Variants in CCDC66 observed in about 807,000 individuals in gnomAD.
The protein encoded by CCDC66 is coiled-coil domain-containing protein 66.
Under a neutral mutation model 128.3 loss-of-function variants are expected in CCDC66, and 133 were observed. The observed-to-expected ratio is 1.04, with a 90% CI of 0.90 to 1.20. The LOEUF is 1.20. Among genes scored for constraint, CCDC66 ranks in the 50% most tolerant of loss-of-function variants. The pLI, the probability that CCDC66 is intolerant of heterozygous loss-of-function variation, is 0.00. For synonymous variants in CCDC66, 387 were observed against 357.0 expected (o/e 1.08, Z -0.95); for missense variants, 1,126 against 1,075.5 (o/e 1.05, Z -0.66).
At chr3:56,602,267 T>G (rs774650661) in intron 10 of CCDC66, among the ~76,000 whole-genome samples, 4 of 152,068 alleles carry the variant, frequency 2.6e-5, no homozygotes, top group Non-Finnish European at 5.9e-5. Flanking sequence ...GTGAATAGAT[T>G]ACGTTTACTG....
chr3:56,619,760 CTT>C lies in CCDC66; in HGVS notation c.2636-15_2636-14del. 1 of 1,612,556 alleles carries C rather than the reference CTT, an allele frequency of 6.2e-7. No homozygotes were observed. Among genetic ancestry groups the C allele is most frequent in the Non-Finnish European group, 8.5e-7 (1 of 1,179,292 alleles). ...ACTAATGTAATTGACTGACTTGTTA[CTT>C]TCATCTGGCTTTAGACTGTGGCCAA... On this transcript the variant is annotated splice_polypyrimidine_tract_variant and intron_variant, in intron 16 of 17. Coordinates refer to ENST00000394672, the MANE Select transcript of CCDC66 (RefSeq NM_001141947.3).
intron 10 of CCDC66, among the ~76,000 whole-genome samples, chr3:56,600,436 C>T (rs1370992306): frequency 7.2e-5 from 11 of 151,728 alleles, no homozygotes; most frequent in Middle Eastern, 3.2e-3. Context: ...CATGAGCCAC[C>T]GCGCCCGGCT....
chr3:56,587,496 A>G (rs748912189), intron 7 of CCDC66, among the ~76,000 whole-genome samples: 18 of 152,176 alleles, frequency 1.2e-4, no homozygotes, highest in Non-Finnish European at 1.5e-4. Flanking sequence ...AAACAGGACC[A>G]AGAGAGAAGT....
chr3:56,583,960 CCGGGCGGGGG>C, intron 7 of CCDC66, among the ~76,000 whole-genome samples: 1 of 134,750 alleles, frequency 7.4e-6, no homozygotes, highest in African/African-American at 2.9e-5. Context: ...GGGCGGCTGG[CCGGGCGGGGG>C]CTGCCCCCCA....
intron 10 of CCDC66, among the ~76,000 whole-genome samples, chr3:56,607,007 A>G (rs866368085): frequency 6.6e-6 from 1 of 152,034 alleles, no homozygotes; most frequent in Non-Finnish European, 1.5e-5. Context: ...CTATGTGCCT[A>G]TTTTTATATG....
chr3:56,612,649 G>A (rs568769995), intron 10 of CCDC66, among the ~76,000 whole-genome samples: 3 of 152,280 alleles, frequency 2.0e-5, no homozygotes, highest in Non-Finnish European at 2.9e-5. Context: ...TGGTGTTGGC[G>A]GTGGCTATAA....
intron 10 of CCDC66, among the ~76,000 whole-genome samples, chr3:56,602,719 C>T (rs1213603690): frequency 3.3e-5 from 5 of 151,590 alleles, no homozygotes; most frequent in Admixed American, 6.6e-5. Context: ...GTGTATGTGT[C>T]CAGGAATTTA....
At chr3:56,608,142 C>G (rs2074315932) in intron 10 of CCDC66, among the ~76,000 whole-genome samples, 1 of 152,234 alleles carries the variant, frequency 6.6e-6, no homozygotes, top group South Asian at 2.1e-4. Flanking sequence ...GTGATGCTGG[C>G]TTCATAGAAT....
At chr3:56,568,599 A>G (rs1340748050) in intron 6 of CCDC66, among the ~76,000 whole-genome samples, 9 of 152,238 alleles carry the variant, frequency 5.9e-5, no homozygotes, top group Non-Finnish European at 8.8e-5. Flanking sequence ...AAAGATTTGT[A>G]AACTTTTCCC....
In CCDC66 at chr3:56,615,399, C is replaced by T. The variant is rs2075366148; in HGVS notation, c.1711+127C>T. ...AGGCTAGAGTGCAGTGGTGCCATCA[C>T]AGCTCACTGCAACCTCATATTTTTT... is the stretch of plus-strand genomic sequence containing the variant. On this transcript the variant is annotated intron_variant, in intron 12 of 17. Transcript: ENST00000394672. The T allele has an allele frequency of 6.0e-6, 5 of 837,596 alleles. No individual in the cohort carries two copies. The South Asian group carries it at 1.2e-4, about 20-fold the overall frequency. 51.9% of individuals were successfully genotyped at this position (837,596 alleles called of 1,614,324 possible). A position where few individuals can be genotyped will look rare whatever the true frequency, so the allele number is the denominator to read the frequency against.
At chr3:56,592,184 TAG>T (rs2071027409) in intron 7 of CCDC66, among the ~76,000 whole-genome samples, 1 of 152,222 alleles carries the variant, frequency 6.6e-6, no homozygotes, top group South Asian at 2.1e-4. Flanking sequence ...GAGGTTCTCC[TAG>T]AGAGAGACAT....
chr3:56,611,855 C>T (rs1276162133), intron 10 of CCDC66, among the ~76,000 whole-genome samples: 1 of 152,216 alleles, frequency 6.6e-6, no homozygotes, highest in Admixed American at 6.5e-5. Flanking sequence ...CTTTCAGCTT[C>T]TCCAGTGGGG....
At chr3:56,561,378 G>A in intron 3 of CCDC66, 1 of 412,844 alleles carries the variant, frequency 2.4e-6, no homozygotes, top group South Asian at 1.8e-5. Context: ...TTGGATTTTT[G>A]GTAGGCCTAT....
chr3:56,572,194 TGTAA>T (rs1327901618), intron 7 of CCDC66: 15 of 393,446 alleles, frequency 3.8e-5, no homozygotes, highest in South Asian at 1.2e-4. Flanking sequence ...TGCCACTATG[TGTAA>T]GTGTTTAGTT....
intron 6 of CCDC66, 112 bp from the exon 7 acceptor site, chr3:56,571,069 A>G: frequency 1.4e-6 from 1 of 702,154 alleles, no homozygotes; most frequent in Non-Finnish European, 2.2e-6. Flanking sequence ...CTTCCTAAAA[A>G]AGAGTTTTGA....
chr3:56,566,624 C>G lies in CCDC66; in HGVS notation c.575C>G (p.Ser192Cys). 6.3e-7 allele frequency: 1 copy of G among 1,591,438 alleles called. No homozygotes were observed. Among genetic ancestry groups the G allele is most frequent in the Non-Finnish European group, 8.6e-7 (1 of 1,159,940 alleles). The change falls in exon 5 of 18, where the codon TCT becomes TGT. Residue 192 changes from serine to cysteine, a missense_variant. Ser to Cys is a moderately radical substitution (Grantham distance 112). Coordinates refer to ENST00000394672, the MANE Select transcript of CCDC66 (RefSeq NM_001141947.3). Reference sequence around the variant, plus strand: ...TATAGTCTATATTTAAACAGTATTTCTAATCAGCCAAAGGATGAGAACATT... The same window carrying G: ...TATAGTCTATATTTAAACAGTATTTGTAATCAGCCAAAGGATGAGAACATT... Reference protein sequence around the residue: ...SQYSLYLNSISNQPKDENIMG... With the variant: ...SQYSLYLNSICNQPKDENIMG...
chr3:56,618,148 T>G (rs374562534), intron 14 of CCDC66, 24 bp from the exon 15 acceptor site: 2 of 1,586,522 alleles, frequency 1.3e-6, no homozygotes, highest in South Asian at 2.2e-5. Context: ...TATTCCTTTC[T>G]GCATTTATCT....
intron 6 of CCDC66, among the ~76,000 whole-genome samples, chr3:56,568,857 A>T (rs7626378): frequency 0.32 from 49,113 of 152,150 alleles, 8,410 homozygotes; most frequent in East Asian, 0.48. Flanking sequence ...GTTAGTGACT[A>T]AGAAATATCC....
rs1051602524 is a variant in CCDC66, at chr3:56,557,360, T to C, written c.11+107T>C. On this transcript the variant is annotated intron_variant, in intron 1 of 17. Transcript: ENST00000394672. ...CCTTGGAGTCTTTACTGGAGAACGT[T>C]CCCAACCTGCGCCGCCGAGAGGGGC... is the stretch of plus-strand genomic sequence containing the variant. 5.7e-5 allele frequency: 81 copies of C among 1,424,798 alleles called. 2 individuals are homozygous for C. The African/African-American group carries it at 9.3e-4, about 16-fold the overall frequency. 88.3% of individuals were successfully genotyped at this position (1,424,798 alleles called of 1,614,324 possible). A position where few individuals can be genotyped will look rare whatever the true frequency, so the allele number is the denominator to read the frequency against.
Sources: gnomAD v4.1 joint callset for allele counts (sites outside exome capture counted in the v4.1 genomes callset) on GRCh38, gnomAD v4.1.1 for gene constraint, MANE v1.5 for transcripts, NCBI Gene and HGNC (gene_info 2026-07-23, HGNC 2026-07-21) for gene names.